PTCD1: variants seen among roughly 807,000 people sequenced by gnomAD.
PTCD1 encodes the protein pentatricopeptide repeat domain 1.
PTCD1 carries 50 observed loss-of-function variants against 53.4 expected under a neutral mutation model. The ratio of observed to expected loss-of-function variants is 0.94; its 90% confidence interval spans 0.75 to 1.19. PTCD1 has a LOEUF of 1.19. Ranked by LOEUF, PTCD1 falls within the 50% of genes most tolerant of loss-of-function variation. The pLI is 0.00. For missense variants in PTCD1, 918 were observed against 904.8 expected (o/e 1.01, Z -0.19); for synonymous variants, 413 against 394.8 (o/e 1.05, Z -0.55).
At position 99,430,869 on chromosome 7, in the gene PTCD1, C is replaced by T. The variant is rs113222479; in HGVS notation, c.595-1063G>A. Among the ~76,000 whole-genome samples the T allele has an allele frequency of 9.0e-3, 1,364 of 152,200 alleles. 14 individuals are homozygous for T. The highest frequency in any genetic ancestry group is 0.011 in the Non-Finnish European group (780 of 68,014). ...GGCAGATCACCTGAGGTCAGGAGTTCGAGACCAGCCTGGCCAACATGGCGA... is the reference window on the plus strand; with the variant it reads ...GGCAGATCACCTGAGGTCAGGAGTTTGAGACCAGCCTGGCCAACATGGCGA... On this transcript the variant is annotated intron_variant, in intron 3 of 7. Coordinates refer to ENST00000292478, the MANE Select transcript of PTCD1 (RefSeq NM_015545.4).
intron 7 of PTCD1, among the ~76,000 whole-genome samples, chr7:99,420,989 G>C (rs997025228): frequency 2.0e-5 from 3 of 152,016 alleles, no homozygotes; most frequent in Admixed American, 2.0e-4. Context: ...CAAAAGACTG[G>C]ACAATTCTAA....
rs373038425 is a variant in PTCD1, at chr7:99,429,273, A to G, written c.814-69T>C. The G allele has an allele frequency of 8.2e-6, 13 of 1,583,786 alleles. No individual in the cohort carries two copies. The African/African-American group carries it at 1.3e-4, about 16-fold the overall frequency. On this transcript the variant is annotated intron_variant, in intron 4 of 7. Transcript: ENST00000292478. Reference sequence around the variant, plus strand: ...GCTGGGCATGGTAGCTCATGTCTGTAATCCTGGCACATTGGGAGGCCAAGG... The same window carrying G: ...GCTGGGCATGGTAGCTCATGTCTGTGATCCTGGCACATTGGGAGGCCAAGG...
chr7:99,432,624 C>T (rs12536002), intron 3 of PTCD1, among the ~76,000 whole-genome samples: 5,330 of 152,114 alleles, frequency 0.035, 135 homozygotes, highest in Admixed American at 0.047. Flanking sequence ...CCTCCGTATG[C>T]GGGATGCTGA....
chr7:99,434,883 C>T lies in PTCD1; in HGVS notation c.360G>A (p.Glu120=). The T allele has an allele frequency of 1.2e-6, 2 of 1,614,212 alleles. No homozygotes were observed. The highest frequency in any genetic ancestry group is 1.7e-6 in the Non-Finnish European group (2 of 1,180,048). The change falls in exon 2 of 8, where the codon GAG becomes GAA. Residue 120 remains glutamate, a synonymous_variant. Coordinates refer to ENST00000292478, the MANE Select transcript of PTCD1 (RefSeq NM_015545.4). ...ATAATTTGGGCTCCGGTTCCATTTG[C>T]TCATCTCTCCGTTCCCCAAACCGCA... ...HNLRFGERRD[E]QMEPEPKLWR... is the part of the protein sequence containing the mutation.
chr7:99,431,836 T>G (rs1476086090), intron 3 of PTCD1, among the ~76,000 whole-genome samples: 1 of 152,212 alleles, frequency 6.6e-6, no homozygotes, highest in Non-Finnish European at 1.5e-5. Flanking sequence ...TTTTGTTCTG[T>G]ACTAAGAGAA....
intron 5 of PTCD1, among the ~76,000 whole-genome samples, chr7:99,425,962 A>G (rs1343253560): frequency 2.0e-5 from 3 of 152,158 alleles, no homozygotes. Context: ...GCTACTCAGG[A>G]GGCTGAAGTG....
chr7:99,417,812 CA>C lies in PTCD1; in HGVS notation c.*2154del. On this transcript the variant is annotated 3_prime_UTR_variant, in exon 8 of 8. Coordinates refer to ENST00000292478, the MANE Select transcript of PTCD1 (RefSeq NM_015545.4). Reference sequence around the variant, plus strand: ...TTAGGTCTGGGGTCAATCTCAACTCCACTTTTGGGCAAATTACTGAACCCCT... The same window carrying C: ...TTAGGTCTGGGGTCAATCTCAACTCCCTTTTGGGCAAATTACTGAACCCCT... The C allele has an allele frequency of 6.7e-7, 1 of 1,501,090 alleles. No homozygotes were observed. Among genetic ancestry groups the C allele is most frequent in the Admixed American group, 2.1e-5 (1 of 47,280 alleles). The allele number at this position is 1,501,090 out of a possible 1,614,324, so 93.0% of individuals were successfully genotyped here.
At position 99,434,749 on chromosome 7, in the gene PTCD1, G is replaced by A. The variant is rs747109028; in HGVS notation, c.453+41C>T. ...CCTTGCAAAACACTGAGCCACCAGG[G>A]GAAAGAAGCCAGGAGCCACAGAACC... On this transcript the variant is annotated intron_variant, in intron 2 of 7. Coordinates refer to ENST00000292478, the MANE Select transcript of PTCD1 (RefSeq NM_015545.4). 7.4e-6 allele frequency: 12 copies of A among 1,612,108 alleles called. No homozygotes were observed. The South Asian group carries it at 1.2e-4, about 16-fold the overall frequency.
At position 99,417,511 on chromosome 7, in the gene PTCD1, G is replaced by A. The variant is rs139288318; in HGVS notation, c.*2456C>T. 4.8e-5 allele frequency: 77 copies of A among 1,611,582 alleles called. No individual in the cohort carries two copies. Among genetic ancestry groups the A allele is most frequent in the Non-Finnish European group, 6.0e-5 (71 of 1,178,330 alleles). ...GGAAAAAGCAAGGATATGAGAACTT[G>A]TGCTGCCTGCGGTGCATTCAGACAC... On this transcript the variant is annotated 3_prime_UTR_variant, in exon 8 of 8. Transcript: ENST00000292478.
In PTCD1 at chr7:99,417,537, G is replaced by A. The variant is rs938662170; in HGVS notation, c.*2430C>T. The A allele has an allele frequency of 3.1e-6, 5 of 1,611,832 alleles. No homozygotes were observed. Among genetic ancestry groups the A allele is most frequent in the African/African-American group, 1.3e-5 (1 of 74,898 alleles). On this transcript the variant is annotated 3_prime_UTR_variant, in exon 8 of 8. Transcript: ENST00000292478. The stretch of plus-strand genomic sequence containing the variant: ...TGCTGCCTGCGGTGCATTCAGACAC[G>A]GGACACCAACTTCGGGACGAACTGC...
chr7:99,436,619 C>T lies in PTCD1; in HGVS notation c.-26-1351G>A, dbSNP rs192712415. Among the ~76,000 whole-genome samples the T allele has an allele frequency of 3.7e-3, 552 of 150,076 alleles. 1 individual carries two copies. Among genetic ancestry groups the T allele is most frequent in the Non-Finnish European group, 6.2e-3 (420 of 67,906 alleles). ...GACAGAGCAAGACTCCATCTCAAAA[C>T]AACAACAACAACAACAAACAAAAAA... On this transcript the variant is annotated intron_variant, in intron 1 of 7. Transcript: ENST00000292478.
intron 3 of PTCD1, 84 bp downstream of exon 3, chr7:99,433,194 T>A: frequency 6.2e-7 from 1 of 1,606,212 alleles, no homozygotes; most frequent in South Asian, 1.1e-5. Context: ...ACCTGCCCAG[T>A]GTAAAGCACT....
rs117194181 is a variant in PTCD1, at chr7:99,419,064, G to C, written c.*903C>G. On this transcript the variant is annotated 3_prime_UTR_variant, in exon 8 of 8. Coordinates refer to ENST00000292478, the MANE Select transcript of PTCD1 (RefSeq NM_015545.4). ...CCCAAACAGTAGCAGAGCCACGTCT[G>C]CTCATCGCAGGGTCTGTCATGCTCA... The C allele has an allele frequency of 0.033, 11,138 of 342,576 alleles. 277 individuals carry two copies. Among genetic ancestry groups the C allele is most frequent in the South Asian group, 0.065 (2,274 of 34,770 alleles). The allele number at this position is 342,576 out of a possible 1,614,324, so 21.2% of individuals were successfully genotyped here.
intron 1 of PTCD1, among the ~76,000 whole-genome samples, chr7:99,437,974 C>T (rs1796555069): frequency 6.6e-6 from 1 of 152,140 alleles, no homozygotes; most frequent in South Asian, 2.1e-4. Flanking sequence ...CCTGCACAAA[C>T]TGTTATCTGG....
chr7:99,429,904 C>T lies in PTCD1; in HGVS notation c.595-98G>A, dbSNP rs559187569. ...AGGCTGAGGCTGGAGAGGACCCCGTCACTGCATCCACCAGGCCAGGCTCTA... is the reference window on the plus strand; with the variant it reads ...AGGCTGAGGCTGGAGAGGACCCCGTTACTGCATCCACCAGGCCAGGCTCTA... On this transcript the variant is annotated intron_variant, in intron 3 of 7. Coordinates refer to ENST00000292478, the MANE Select transcript of PTCD1 (RefSeq NM_015545.4). 1,548 of 1,436,208 alleles carry T rather than the reference C, an allele frequency of 1.1e-3. 4 individuals carry two copies. The highest frequency in any genetic ancestry group is 1.2e-3 in the Non-Finnish European group (1,270 of 1,041,450). 89.0% of individuals were successfully genotyped at this position (1,436,208 alleles called of 1,614,324 possible).
chr7:99,432,393 C>A (rs151083751), intron 3 of PTCD1, among the ~76,000 whole-genome samples: 221 of 152,300 alleles, frequency 1.5e-3, no homozygotes, highest in African/African-American at 5.0e-3. Flanking sequence ...CTTTGATGCA[C>A]GAGATGTTGT....
intron 3 of PTCD1, among the ~76,000 whole-genome samples, chr7:99,431,776 T>C (rs954761263): frequency 2.0e-5 from 3 of 152,058 alleles, no homozygotes; most frequent in Non-Finnish European, 2.9e-5. Context: ...GAAAGAGAGA[T>C]CAGACTGTTA....
intron 3 of PTCD1, 120 bp downstream of exon 3, chr7:99,433,158 G>A (rs1009935188): frequency 2.4e-5 from 35 of 1,486,880 alleles, no homozygotes; most frequent in Non-Finnish European, 3.1e-5. Flanking sequence ...TTAAGGAGAT[G>A]ACTCTGAGGC....
At chr7:99,427,927 ACCACTC>A (rs527799090) in intron 5 of PTCD1, among the ~76,000 whole-genome samples, 1 of 151,092 alleles carries the variant, frequency 6.6e-6, no homozygotes, top group East Asian at 1.9e-4. Context: ...AAGAGTCATC[ACCACTC>A]CCTAATCTCA....
Sources: allele counts gnomAD v4.1 joint callset (sites outside exome capture counted in the v4.1 genomes callset), GRCh38; gene constraint gnomAD v4.1.1; transcripts MANE v1.5; gene names NCBI Gene and HGNC (gene_info 2026-07-23, HGNC 2026-07-21).